KCNMB3: variants seen among roughly 807,000 people sequenced by gnomAD.
The protein encoded by KCNMB3 is potassium calcium-activated channel subfamily M regulatory beta subunit 3.
In KCNMB3, 18 loss-of-function variants were observed where a neutral mutation model predicts 11.9. That is an observed-to-expected ratio of 1.51 (90% confidence interval 1.04 to 2.23). KCNMB3 has a LOEUF of 2.23. Ranked by LOEUF, KCNMB3 falls within the 30% of genes most tolerant of loss-of-function variation. The probability of loss-of-function intolerance (pLI) is 0.00; values close to 1 mark genes in which losing one functional copy is unlikely to be tolerated. For missense variants in KCNMB3, 247 were observed against 329.4 expected (o/e 0.75, Z 1.94); for synonymous variants, 78 against 119.2 (o/e 0.65, Z 2.25).
chr3:179,263,100 G>A (rs1376407788), intron 1 of KCNMB3, among the ~76,000 whole-genome samples: 1 of 152,248 alleles, frequency 6.6e-6, no homozygotes. Flanking sequence ...CCGTGGAGCA[G>A]GGGGCAGCGC....
chr3:179,251,529 A>C (rs1235770233), upstream of KCNMB3: 3 of 1,355,608 alleles, frequency 2.2e-6, no homozygotes, highest in African/African-American at 2.9e-5. Flanking sequence ...ATGGTTCTGC[A>C]TAAGTGTCCC....
chr3:179,261,256 G>A lies in KCNMB3; in HGVS notation c.62+5393C>T, dbSNP rs575716903. Reference sequence around the variant, plus strand: ...AACAGTAGATCTCCCGGCTCTGCGTGGCCGCGGGGCTGGTCAACCTGCTGG... The same window carrying A: ...AACAGTAGATCTCCCGGCTCTGCGTAGCCGCGGGGCTGGTCAACCTGCTGG... On this transcript the variant is annotated intron_variant, in intron 1 of 3. Transcript: ENST00000349697. 71 of 1,312,912 alleles carry A rather than the reference G, an allele frequency of 5.4e-5. 1 individual carries two copies. The South Asian group carries it at 1.2e-3, about 22-fold the overall frequency. The allele number at this position is 1,312,912 out of a possible 1,614,324, so 81.3% of individuals were successfully genotyped here. A position where few individuals can be genotyped will look rare whatever the true frequency, so the allele number is the denominator to read the frequency against.
intron 1 of KCNMB3, chr3:179,261,219 C>T: frequency 7.3e-7 from 1 of 1,364,742 alleles, no homozygotes; most frequent in South Asian, 1.5e-5. Flanking sequence ...AGCCTCTGCG[C>T]TTCCGCGCTC....
chr3:179,258,717 T>A (rs1479924795), intron 1 of KCNMB3, among the ~76,000 whole-genome samples: 1 of 152,216 alleles, frequency 6.6e-6, no homozygotes, highest in African/African-American at 2.4e-5. Context: ...AAATGGTAAA[T>A]GCTTCTATTT....
chr3:179,243,033 C>T lies in KCNMB3; in HGVS notation c.699G>A (p.Leu233=). Reference sequence around the variant, plus strand: ...TGCTATATTTTTCACACAGTAAGGACAGGTGTTGTGTTAATCTCACCATGC... The same window carrying T: ...TGCTATATTTTTCACACAGTAAGGATAGGTGTTGTGTTAATCTCACCATGC... ...IVGMVRLTQH[L]SLLCEKYSTV... The change falls in exon 3 of 3, where the codon CTG becomes CTA. Residue 233 remains leucine (L), a synonymous_variant. Coordinates refer to ENST00000392685, the MANE Select transcript of KCNMB3 (RefSeq NM_171830.2). 6.3e-7 allele frequency: 1 copy of T among 1,599,766 alleles called. No homozygotes were observed. The highest frequency in any genetic ancestry group is 1.1e-5 in the South Asian group (1 of 87,654).
chr3:179,242,713 G>T, downstream of KCNMB3: 2 of 981,224 alleles, frequency 2.0e-6, no homozygotes, highest in Non-Finnish European at 2.7e-6. Context: ...GATTAGAAAA[G>T]ATGGTGAATT....
upstream of KCNMB3, among the ~76,000 whole-genome samples, chr3:179,252,741 T>C (rs1396395503): frequency 3.3e-5 from 5 of 151,074 alleles, no homozygotes; most frequent in Non-Finnish European, 7.4e-5. Flanking sequence ...CTTTTTTTTT[T>C]TTTTTTTTGA....
At chr3:179,244,198 A>T (rs972243956) in intron 2 of KCNMB3, among the ~76,000 whole-genome samples, 1 of 152,208 alleles carries the variant, frequency 6.6e-6, no homozygotes, top group African/African-American at 2.4e-5. Context: ...CATATGTCAT[A>T]TGGCGCGGAG....
chr3:179,261,067 C>A (rs1726190443), intron 1 of KCNMB3: 1 of 1,080,628 alleles, frequency 9.3e-7, no homozygotes, highest in Non-Finnish European at 1.4e-6. Context: ...CAGACGGGCC[C>A]AGCATGTTAC....
intron 1 of KCNMB3, chr3:179,259,718 CT>C: frequency 6.3e-7 from 1 of 1,582,696 alleles, no homozygotes; most frequent in South Asian, 1.2e-5. Context: ...TTTTCCTCTT[CT>C]TTTTCTTTTT....
chr3:179,251,665 G>A (rs542820026), upstream of KCNMB3: 2 of 1,239,078 alleles, frequency 1.6e-6, no homozygotes, highest in African/African-American at 1.5e-5. Context: ...AAACCGGTGG[G>A]CATGGCGGCA....
At chr3:179,248,622 G>C (rs922311547) in intron 1 of KCNMB3, among the ~76,000 whole-genome samples, 2 of 151,790 alleles carry the variant, frequency 1.3e-5, no homozygotes, top group Non-Finnish European at 2.9e-5. Flanking sequence ...CAGCTACTTG[G>C]GAGGCTGAGG....
chr3:179,260,009 G>A (rs1726151414), intron 1 of KCNMB3: 2 of 1,612,446 alleles, frequency 1.2e-6, no homozygotes, highest in African/African-American at 2.7e-5. Flanking sequence ...CTGCTTCCTG[G>A]TTGGTGAATT....
At chr3:179,251,441 C>T, upstream of KCNMB3, 2 of 1,422,938 alleles carry the variant, frequency 1.4e-6, no homozygotes, top group Non-Finnish European at 1.8e-6. Context: ...CTGGCCACTG[C>T]CCAGTCCACT....
At chr3:179,257,487 CAG>C (rs1210766257) in intron 1 of KCNMB3, among the ~76,000 whole-genome samples, 1 of 152,026 alleles carries the variant, frequency 6.6e-6, no homozygotes, top group East Asian at 1.9e-4. Flanking sequence ...ATATAGAAAA[CAG>C]ATATTTTCTT....
At chr3:179,256,400 C>T (rs1330418402), upstream of KCNMB3, among the ~76,000 whole-genome samples, 1 of 152,016 alleles carries the variant, frequency 6.6e-6, no homozygotes, top group African/African-American at 2.4e-5. Context: ...CACACCACTG[C>T]ACTCCAGCCT....
chr3:179,261,049 C>A, intron 1 of KCNMB3: 2 of 1,030,220 alleles, frequency 1.9e-6, no homozygotes, highest in Non-Finnish European at 3.1e-6. Context: ...GAAAGGCCAG[C>A]GTGGCTGCAG....
intron 1 of KCNMB3, among the ~76,000 whole-genome samples, chr3:179,262,559 T>G (rs191162160): frequency 6.6e-6 from 1 of 152,236 alleles, no homozygotes; most frequent in Middle Eastern, 3.2e-3. Flanking sequence ...GAAAGGGACC[T>G]GAGCAGGTTG....
upstream of KCNMB3, among the ~76,000 whole-genome samples, chr3:179,256,156 C>T (rs1726003622): frequency 6.6e-6 from 1 of 152,232 alleles, no homozygotes; most frequent in Non-Finnish European, 1.5e-5. Flanking sequence ...TAACTCTAGG[C>T]TGGACACAGT....
Sources: gnomAD v4.1 joint callset for allele counts (sites outside exome capture counted in the v4.1 genomes callset) on GRCh38, gnomAD v4.1.1 for gene constraint, MANE v1.5 for transcripts, NCBI Gene and HGNC (gene_info 2026-07-23, HGNC 2026-07-21) for gene names.